PTPRD: variants seen among roughly 807,000 people sequenced by gnomAD.
PTPRD encodes protein tyrosine phosphatase receptor type D, also known as receptor-type tyrosine-protein phosphatase delta.
A neutral mutation model predicts 214.5 loss-of-function variants in PTPRD; 34 were observed. The ratio of observed to expected loss-of-function variants is 0.16; its 90% CI spans 0.12 to 0.21. PTPRD has a LOEUF of 0.21. PTPRD is among the 10% of genes least tolerant of loss of function. PTPRD has a pLI of 1.00. For synonymous variants in PTPRD, 1,128 were observed against 845.7 expected (o/e 1.33, Z -5.79); for missense variants, 2,545 against 2,398.7 (o/e 1.06, Z -1.27).
chr9:10,517,050 G>T (rs754877698), intron 2 of PTPRD, among the ~76,000 whole-genome samples: 71 of 151,818 alleles, frequency 4.7e-4, no homozygotes, highest in Non-Finnish European at 6.6e-4. Flanking sequence ...TGTGGATTCA[G>T]GGTCATTTGT....
At position 8,499,656 on chromosome 9, in the gene PTPRD, A is replaced by T. The variant is rs1311395091; in HGVS notation, c.2313T>A (p.Ala771=). 6.2e-7 allele frequency: 1 copy of T among 1,613,274 alleles called. No homozygotes were observed. The highest frequency in any genetic ancestry group is 8.5e-7 in the Non-Finnish European group (1 of 1,179,636). The change falls in exon 25 of 46, where the codon GCT becomes GCA. Residue 771 remains alanine, a synonymous_variant. Transcript: ENST00000381196. The part of the protein sequence containing the change: ...GQPMLKDVML[A]DAQWEFDDTT... ...AATTTCAGAGGCTTACCTGTGCATC[A>T]GCCAGCATGACATCTTTCAGCATGG...
chr9:10,163,645 T>C (rs1223014497), intron 3 of PTPRD, among the ~76,000 whole-genome samples: 5 of 151,468 alleles, frequency 3.3e-5, no homozygotes, highest in Non-Finnish European at 5.9e-5. Context: ...ATATTTTAAA[T>C]GGTAGGCAAG....
intron 11 of PTPRD, among the ~76,000 whole-genome samples, chr9:8,857,181 C>T (rs1375857307): frequency 6.6e-6 from 1 of 152,024 alleles, no homozygotes; most frequent in Non-Finnish European, 1.5e-5. Flanking sequence ...CCCACTAGTT[C>T]AGAGGAAAGA....
intron 3 of PTPRD, among the ~76,000 whole-genome samples, chr9:10,337,093 A>G (rs561720916): frequency 6.6e-6 from 1 of 151,704 alleles, no homozygotes; most frequent in South Asian, 2.1e-4. Context: ...AAAAACAAAC[A>G]AAAAAGACAA....
Position 9,384,343 on chromosome 9 carries a change from C to CTTTTTTTTTTTTTTTTTTTTTTTTTTTT in PTPRD, c.-203+13078_-203+13105dup, listed in dbSNP as rs869246078. Among the ~76,000 whole-genome samples the CTTTTTTTTTTTTTTTTTTTTTTTTTTTT allele has an allele frequency of 6.0e-5, 2 of 33,316 alleles. 1 individual carries two copies. The highest frequency in any genetic ancestry group is 1.4e-4 in the Non-Finnish European group (2 of 14,296). The allele number at this position is 33,316 out of a possible 152,430, so 21.9% of individuals were successfully genotyped here. ...GATGATATTTGAGCAGAAGACTAGG[C>CTTTTTTTTTTTTTTTTTTTTTTTTTTTT]TTTTTTTTTTTTTTTTTTTTTTTTT... On this transcript the variant is annotated intron_variant, in intron 9 of 45. Coordinates refer to ENST00000381196, the MANE Select transcript of PTPRD (RefSeq NM_002839.4).
At chr9:10,216,844 T>C (rs1443984461) in intron 3 of PTPRD, among the ~76,000 whole-genome samples, 1 of 151,994 alleles carries the variant, frequency 6.6e-6, no homozygotes, top group African/African-American at 2.4e-5. Context: ...CTGCAATGAT[T>C]CTGTTCGTTA....
intron 8 of PTPRD, among the ~76,000 whole-genome samples, chr9:9,417,124 A>G (rs1472801712): frequency 6.6e-6 from 1 of 152,104 alleles, no homozygotes; most frequent in Middle Eastern, 3.2e-3. Flanking sequence ...GCGGACACAT[A>G]AGGCAGCCAT....
intron 11 of PTPRD, among the ~76,000 whole-genome samples, chr9:8,822,414 A>C (rs945835412): frequency 6.6e-6 from 1 of 152,228 alleles, no homozygotes; most frequent in Non-Finnish European, 1.5e-5. Context: ...TCTGACAGAG[A>C]AAGTATACTT....
At chr9:9,931,499 G>A (rs528736010) in intron 5 of PTPRD, among the ~76,000 whole-genome samples, 15 of 152,316 alleles carry the variant, frequency 9.8e-5, no homozygotes, top group Middle Eastern at 6.8e-3. Context: ...GCTCCCACCC[G>A]AATACTGCGC....
chr9:10,609,344 G>A (rs2080328160), intron 2 of PTPRD, among the ~76,000 whole-genome samples: 1 of 151,866 alleles, frequency 6.6e-6, no homozygotes, highest in Non-Finnish European at 1.5e-5. Context: ...ATGCATTTCA[G>A]GTCACCTATT....
In PTPRD at chr9:8,317,824, C is replaced by T. The variant is rs2130435022; in HGVS notation, c.*50G>A. 3 of 1,550,060 alleles carry T rather than the reference C, an allele frequency of 1.9e-6. No individual in the cohort carries two copies. Among genetic ancestry groups the T allele is most frequent in the South Asian group, 1.1e-5 (1 of 89,816 alleles). On this transcript the variant is annotated 3_prime_UTR_variant, in exon 46 of 46. Coordinates refer to ENST00000381196, the MANE Select transcript of PTPRD (RefSeq NM_002839.4). ...GCCCTGTATGGCTCAGAAGAGACTCCATGGATATTGAAGGGCCTGTAGTAA... is the reference window on the plus strand; with the variant it reads ...GCCCTGTATGGCTCAGAAGAGACTCTATGGATATTGAAGGGCCTGTAGTAA...
At chr9:8,696,512 T>C (rs2097913748) in intron 12 of PTPRD, among the ~76,000 whole-genome samples, 1 of 151,902 alleles carries the variant, frequency 6.6e-6, no homozygotes, top group Non-Finnish European at 1.5e-5. Flanking sequence ...ATAAACTTGG[T>C]GATTAGCAGA....
chr9:8,918,077 A>G (rs991156497), intron 11 of PTPRD, among the ~76,000 whole-genome samples: 1 of 152,098 alleles, frequency 6.6e-6, no homozygotes, highest in African/African-American at 2.4e-5. Context: ...ATACAGGGGA[A>G]CCTCTACCCA....
intron 8 of PTPRD, among the ~76,000 whole-genome samples, chr9:9,434,088 A>C (rs988116393): frequency 5.3e-5 from 8 of 152,152 alleles, no homozygotes; most frequent in Non-Finnish European, 2.9e-5. Flanking sequence ...CATATACTAA[A>C]ACCACACTTT....
chr9:9,277,689 G>T (rs1413340191), intron 9 of PTPRD, among the ~76,000 whole-genome samples: 2 of 151,184 alleles, frequency 1.3e-5, no homozygotes, highest in African/African-American at 2.4e-5. Context: ...AAAAGCCCCT[G>T]GTCCAGATGG....
At chr9:8,572,022 T>C (rs993164048) in intron 14 of PTPRD, among the ~76,000 whole-genome samples, 6 of 152,066 alleles carry the variant, frequency 3.9e-5, no homozygotes, top group Non-Finnish European at 5.9e-5. Context: ...GATATAGATA[T>C]TAAAGCCAAA....
At chr9:9,192,557 T>A (rs777539854) in intron 9 of PTPRD, among the ~76,000 whole-genome samples, 4 of 152,122 alleles carry the variant, frequency 2.6e-5, no homozygotes, top group Non-Finnish European at 5.9e-5. Context: ...CCTTTATTCT[T>A]GTTTGTTACT....
At chr9:9,417,896 AG>A (rs1331886266) in intron 8 of PTPRD, among the ~76,000 whole-genome samples, 1 of 152,096 alleles carries the variant, frequency 6.6e-6, no homozygotes, top group Non-Finnish European at 1.5e-5. Context: ...ATACTGGAAA[AG>A]GCAAATAAAT....
At chr9:9,601,833 G>T (rs548593832) in intron 7 of PTPRD, among the ~76,000 whole-genome samples, 28 of 152,018 alleles carry the variant, frequency 1.8e-4, no homozygotes, top group Non-Finnish European at 3.4e-4. Context: ...TAGTACACTA[G>T]ATGGTGAGAA....
Sources: allele counts gnomAD v4.1 joint callset (sites outside exome capture counted in the v4.1 genomes callset), GRCh38; gene constraint gnomAD v4.1.1; transcripts MANE v1.5; gene names NCBI Gene and HGNC (gene_info 2026-07-23, HGNC 2026-07-21).